IMMP2L: variants seen among roughly 807,000 people sequenced by gnomAD.
The protein encoded by IMMP2L is mitochondrial inner membrane protease subunit 2.
Under a neutral mutation model 19.3 loss-of-function variants are expected in IMMP2L, and 18 were observed. That is an observed-to-expected ratio of 0.93 (90% CI 0.64 to 1.38). The LOEUF (loss-of-function observed/expected upper bound fraction) is 1.38. Among genes scored for constraint, IMMP2L ranks in the 40% most tolerant of loss-of-function variants. The pLI is 0.00. For synonymous variants in IMMP2L, 76 were observed against 73.0 expected, an observed-to-expected ratio of 1.04 and a Z score of -0.21; for missense variants, 233 against 218.2, an observed-to-expected ratio of 1.07 and a Z score of -0.43.
intron 2 of IMMP2L, among the ~76,000 whole-genome samples, chr7:111,516,336 C>T (rs531905398): frequency 2.7e-5 from 4 of 149,414 alleles, no homozygotes; most frequent in South Asian, 2.1e-4. Flanking sequence ...TATTCATACA[C>T]GCATAAATAC....
intron 5 of IMMP2L, among the ~76,000 whole-genome samples, chr7:110,786,028 T>C (rs1800052321): frequency 6.6e-6 from 1 of 151,976 alleles, no homozygotes; most frequent in Admixed American, 6.6e-5. Context: ...AGTCCTTTTA[T>C]AAATGAAAAC....
chr7:111,203,157 G>A (rs1810329159), intron 3 of IMMP2L, among the ~76,000 whole-genome samples: 1 of 152,108 alleles, frequency 6.6e-6, no homozygotes, highest in African/African-American at 2.4e-5. Context: ...ATTAATTCTT[G>A]AAACAAATGC....
chr7:110,697,939 T>G (rs1794002365), intron 5 of IMMP2L, among the ~76,000 whole-genome samples: 1 of 152,220 alleles, frequency 6.6e-6, no homozygotes, highest in Non-Finnish European at 1.5e-5. Flanking sequence ...CCCTATTTAA[T>G]AGTTTGAGAG....
intron 4 of IMMP2L, among the ~76,000 whole-genome samples, chr7:110,922,892 G>T (rs1814447562): frequency 6.6e-6 from 1 of 152,148 alleles, no homozygotes; most frequent in Admixed American, 6.6e-5. Flanking sequence ...GATAAAACCT[G>T]GGAAGTGGTG....
intron 3 of IMMP2L, among the ~76,000 whole-genome samples, chr7:111,013,153 G>C (rs555715648): frequency 6.6e-6 from 1 of 152,256 alleles, no homozygotes; most frequent in South Asian, 2.1e-4. Flanking sequence ...CCTAAGGACA[G>C]ATGAGGCTGT....
intron 5 of IMMP2L, among the ~76,000 whole-genome samples, chr7:110,795,772 C>A (rs1386575627): frequency 6.6e-6 from 1 of 151,988 alleles, no homozygotes; most frequent in African/African-American, 2.4e-5. Context: ...AATCAATCAA[C>A]ATTTAGAAAC....
intron 3 of IMMP2L, among the ~76,000 whole-genome samples, chr7:111,285,702 T>C (rs11973097): frequency 0.041 from 6,309 of 152,258 alleles, 188 homozygotes; most frequent in Admixed American, 0.077. Context: ...CAGCATATGA[T>C]AGCACTTAAC....
intron 2 of IMMP2L, among the ~76,000 whole-genome samples, chr7:111,520,826 T>C (rs1273055238): frequency 1.3e-5 from 2 of 152,132 alleles, no homozygotes; most frequent in African/African-American, 4.8e-5. Context: ...CACTGTAAAC[T>C]GCACTTAATC....
chr7:111,140,866 A>T (rs1802808520), intron 3 of IMMP2L, among the ~76,000 whole-genome samples: 1 of 152,216 alleles, frequency 6.6e-6, no homozygotes, highest in Admixed American at 6.5e-5. Flanking sequence ...TAAATGACTG[A>T]GTGACAAAGC....
intron 5 of IMMP2L, among the ~76,000 whole-genome samples, chr7:110,775,379 C>T (rs561673605): frequency 6.6e-6 from 1 of 151,794 alleles, no homozygotes; most frequent in East Asian, 2.0e-4. Flanking sequence ...TGGGTAGTGT[C>T]ACCCGAAACA....
intron 3 of IMMP2L, among the ~76,000 whole-genome samples, chr7:111,416,716 A>C (rs1343589083): frequency 6.6e-6 from 1 of 151,690 alleles, no homozygotes; most frequent in Non-Finnish European, 1.5e-5. Context: ...TTTCAGTTTA[A>C]TATGCACAGG....
intron 4 of IMMP2L, among the ~76,000 whole-genome samples, chr7:110,909,701 T>G (rs890789750): frequency 1.3e-5 from 2 of 152,080 alleles, no homozygotes; most frequent in African/African-American, 4.8e-5. Context: ...GTTGAGCACC[T>G]CCCTATCCAA....
intron 3 of IMMP2L, among the ~76,000 whole-genome samples, chr7:111,001,019 T>C (rs944988584): frequency 2.6e-5 from 4 of 152,126 alleles, no homozygotes; most frequent in Admixed American, 6.5e-5. Context: ...ATATAGATGA[T>C]CTATGCAAAC....
intron 3 of IMMP2L, among the ~76,000 whole-genome samples, chr7:111,014,975 C>T (rs1028782706): frequency 6.6e-6 from 1 of 152,152 alleles, no homozygotes; most frequent in Non-Finnish European, 1.5e-5. Flanking sequence ...ATGGTGCATC[C>T]TCTATGGAAT....
chr7:111,427,075 C>A (rs1270191158), intron 3 of IMMP2L, among the ~76,000 whole-genome samples: 1 of 150,898 alleles, frequency 6.6e-6, no homozygotes, highest in African/African-American at 2.4e-5. Flanking sequence ...GATCCAAACT[C>A]CTTACTTCAC....
At chr7:111,021,105 G>C (rs1287802594) in intron 3 of IMMP2L, among the ~76,000 whole-genome samples, 2 of 152,124 alleles carry the variant, frequency 1.3e-5, no homozygotes, top group African/African-American at 4.8e-5. Context: ...ACACTATTCA[G>C]AATAACACTG....
chr7:110,928,104 A>G (rs946987008), intron 4 of IMMP2L, among the ~76,000 whole-genome samples: 2 of 152,114 alleles, frequency 1.3e-5, no homozygotes, highest in African/African-American at 2.4e-5. Context: ...CGAATGAAGT[A>G]GAAGAAAAAA....
At chr7:111,105,084 C>A (rs1156490891) in intron 3 of IMMP2L, among the ~76,000 whole-genome samples, 1 of 151,832 alleles carries the variant, frequency 6.6e-6, no homozygotes, top group Non-Finnish European at 1.5e-5. Context: ...TATTTCCTTA[C>A]TAAAGGTCTC....
chr7:111,187,959 T>C (rs2129612401), intron 3 of IMMP2L, among the ~76,000 whole-genome samples: 1 of 152,120 alleles, frequency 6.6e-6, no homozygotes, highest in East Asian at 1.9e-4. Flanking sequence ...GAAAATGGAT[T>C]TTTTGTTTTT....
Sources: gnomAD v4.1 joint callset for allele counts (sites outside exome capture counted in the v4.1 genomes callset) on GRCh38, gnomAD v4.1.1 for gene constraint, MANE v1.5 for transcripts, NCBI Gene and HGNC (gene_info 2026-07-23, HGNC 2026-07-21) for gene names.